Variants in PKHD1 observed in about 807,000 individuals in gnomAD.
PKHD1 encodes the protein fibrocystin.
PKHD1 carries 291 observed loss-of-function variants against 412.0 expected under a neutral mutation model. The observed-to-expected ratio is 0.71, with a 90% CI of 0.64 to 0.78. The LOEUF is 0.78. Among genes scored for constraint, PKHD1 ranks in the 30% least tolerant of loss-of-function variants. The probability of loss-of-function intolerance (pLI) is 0.00; values close to 1 mark genes in which losing one functional copy is unlikely to be tolerated. For missense variants in PKHD1, 4,825 were observed against 4,950.7 expected, an observed-to-expected ratio of 0.97 and a Z score of 0.76; for synonymous variants, 1,777 against 1,821.5, an observed-to-expected ratio of 0.98 and a Z score of 0.62.
intron 60 of PKHD1, among the ~76,000 whole-genome samples, chr6:51,735,816 C>T (rs187562353): frequency 3.4e-4 from 51 of 152,040 alleles, no homozygotes; most frequent in African/African-American, 1.2e-3. Context: ...TGCCTGTAGT[C>T]ACAGCTACTT....
At chr6:51,782,678 G>A (rs1374628436) in intron 53 of PKHD1, among the ~76,000 whole-genome samples, 2 of 152,128 alleles carry the variant, frequency 1.3e-5, no homozygotes, top group Non-Finnish European at 2.9e-5. Context: ...CATTGCATAT[G>A]TGGGTATTTG....
chr6:52,049,566 C>T (rs896734447), intron 22 of PKHD1, among the ~76,000 whole-genome samples: 6 of 152,120 alleles, frequency 3.9e-5, no homozygotes, highest in African/African-American at 7.2e-5. Flanking sequence ...ATTAAAAGAA[C>T]AAATTAGAGT....
At chr6:52,065,897 T>A (rs1809617745) in intron 12 of PKHD1, 79 bp downstream of exon 12, 2 of 791,494 alleles carry the variant, frequency 2.5e-6, no homozygotes, top group Non-Finnish European at 4.5e-6. Flanking sequence ...TCCTCCTGCA[T>A]CCCTCATGCC....
intron 60 of PKHD1, among the ~76,000 whole-genome samples, chr6:51,711,514 G>C (rs1387922476): frequency 1.3e-5 from 2 of 152,196 alleles, no homozygotes; most frequent in Non-Finnish European, 2.9e-5. Flanking sequence ...CGATGGACCT[G>C]ACTTCTTCAT....
chr6:51,810,829 C>T (rs962741433), intron 52 of PKHD1, among the ~76,000 whole-genome samples: 1 of 152,142 alleles, frequency 6.6e-6, no homozygotes, highest in Admixed American at 6.6e-5. Flanking sequence ...TATGGAATAT[C>T]GTGCCTCATT....
intron 54 of PKHD1, 126 bp downstream of exon 54, chr6:51,775,682 T>C (rs970053390): frequency 4.8e-6 from 3 of 621,402 alleles, no homozygotes; most frequent in African/African-American, 3.7e-5. Context: ...ATAATAAATA[T>C]AAATTGCCTA....
chr6:52,049,430 T>C (rs567573235), intron 22 of PKHD1, among the ~76,000 whole-genome samples: 17 of 152,230 alleles, frequency 1.1e-4, no homozygotes, highest in Admixed American at 3.3e-4. Context: ...ACTGTATATT[T>C]AGACATATAT....
chr6:51,771,143 G>T (rs999681329), intron 55 of PKHD1, among the ~76,000 whole-genome samples: 1 of 151,612 alleles, frequency 6.6e-6, no homozygotes, highest in Non-Finnish European at 1.5e-5. Flanking sequence ...ATAAATGTAT[G>T]TATATTAATA....
At position 52,058,451 on chromosome 6, in the gene PKHD1, C is replaced by A. The variant is rs758984026; in HGVS notation, c.1384G>T (p.Ala462Ser). 6.2e-7 allele frequency: 1 copy of A among 1,614,192 alleles called. No individual in the cohort carries two copies. The highest frequency in any genetic ancestry group is 8.5e-7 in the Non-Finnish European group (1 of 1,180,028). ...CCAATCCTCATCCCCCTGCTTGGGG[C>A]TATCCCATGATGCTCTGCTTCCAGG... ...YYLEAEHHGIAPSRGMRIGVQ... is the reference protein window; with the variant it reads ...YYLEAEHHGISPSRGMRIGVQ... Residue 462 changes from alanine to serine, a missense_variant, in exon 16 of 67, where the codon GCC (alanine) becomes TCC (serine). Ala to Ser is a moderately conservative substitution (Grantham distance 99). Transcript: ENST00000371117.
rs545921678 is a variant in PKHD1, at chr6:51,627,199, C to T, written c.11666-83G>A. ...CATTTAGGTGTTTCCCTTGTATGTA[C>T]CCTTGTCCCAAAATTATCATACACA... On this transcript the variant is annotated intron_variant, in intron 65 of 66. Transcript: ENST00000371117. The T allele has an allele frequency of 6.4e-5, 78 of 1,225,250 alleles. No individual in the cohort carries two copies. The African/African-American group carries it at 1.0e-3, about 16-fold the overall frequency. The allele number at this position is 1,225,250 out of a possible 1,614,324, so 75.9% of individuals were successfully genotyped here. A position where few individuals can be genotyped will look rare whatever the true frequency, so the allele number is the denominator to read the frequency against.
intron 50 of PKHD1, among the ~76,000 whole-genome samples, chr6:51,839,054 C>G (rs1769723487): frequency 6.6e-6 from 1 of 152,144 alleles, no homozygotes; most frequent in African/African-American, 2.4e-5. Flanking sequence ...CTTTTTACAG[C>G]TGTATCTAAT....
chr6:51,769,581 T>C (rs191646280), intron 55 of PKHD1, among the ~76,000 whole-genome samples: 2 of 151,676 alleles, frequency 1.3e-5, no homozygotes, highest in Non-Finnish European at 3.0e-5. Context: ...TTTAAAAATT[T>C]AATCTTACTA....
At chr6:51,650,486 C>T (rs922862587) in intron 61 of PKHD1, among the ~76,000 whole-genome samples, 2 of 151,966 alleles carry the variant, frequency 1.3e-5, no homozygotes, top group African/African-American at 4.8e-5. Flanking sequence ...TTTGCTTTCT[C>T]CCATTAAATG....
chr6:51,964,236 A>T (rs1206856102), intron 35 of PKHD1, among the ~76,000 whole-genome samples: 1 of 152,248 alleles, frequency 6.6e-6, no homozygotes, highest in East Asian at 1.9e-4. Flanking sequence ...GTCATTGATC[A>T]GCAAGTTGGA....
chr6:51,885,938 G>A lies in PKHD1; in HGVS notation c.7144C>T (p.Pro2382Ser). The A allele has an allele frequency of 6.2e-7, 1 of 1,613,082 alleles. No individual in the cohort carries two copies. Among genetic ancestry groups the A allele is most frequent in the Non-Finnish European group, 8.5e-7 (1 of 1,179,150 alleles). The change falls in exon 45 of 67, where the codon CCT (proline) becomes TCT (serine). Residue 2382 changes from proline (P) to serine (S), a missense_variant. Coordinates refer to ENST00000371117, the MANE Select transcript of PKHD1 (RefSeq NM_138694.4). ...GLFVYPKFQP[P>S]WDNVTGTTLF... ...GTGGTGCCAGTGACATTATCCCAAGGTGGCTGAAATTTAGGGTATACAAAG... is the reference window on the plus strand; with the variant it reads ...GTGGTGCCAGTGACATTATCCCAAGATGGCTGAAATTTAGGGTATACAAAG...
chr6:51,726,053 C>T (rs1030555452), intron 60 of PKHD1, among the ~76,000 whole-genome samples: 3 of 152,222 alleles, frequency 2.0e-5, no homozygotes, highest in Non-Finnish European at 2.9e-5. Context: ...AAATTAATTG[C>T]TGCAAAATGC....
chr6:52,017,240 T>C lies in PKHD1; in HGVS notation c.5600+170A>G, dbSNP rs533318309. 5.9e-5 allele frequency among the ~76,000 whole-genome samples: 9 copies of C among 152,344 alleles called. No homozygotes were observed. The South Asian group carries it at 1.9e-3, about 32-fold the overall frequency. On this transcript the variant is annotated intron_variant, in intron 34 of 66. Transcript: ENST00000371117. ...ACAGTTGAAAAAGACAGGAGATGCT[T>C]TGATATGCAGGCTGGCTGGAATCCA...
intron 45 of PKHD1, among the ~76,000 whole-genome samples, chr6:51,884,185 A>G (rs913140524): frequency 6.6e-6 from 1 of 152,170 alleles, no homozygotes; most frequent in Non-Finnish European, 1.5e-5. Flanking sequence ...TTTGAAGTTA[A>G]TTTTTGTAAG....
At chr6:51,778,731 C>T (rs1332163766) in intron 53 of PKHD1, among the ~76,000 whole-genome samples, 1 of 152,124 alleles carries the variant, frequency 6.6e-6, no homozygotes, top group African/African-American at 2.4e-5. Flanking sequence ...GAAAAAAAGG[C>T]ATTTCATTAT....
Sources: allele counts gnomAD v4.1 joint callset (sites outside exome capture counted in the v4.1 genomes callset), GRCh38; gene constraint gnomAD v4.1.1; transcripts MANE v1.5; gene names NCBI Gene and HGNC (gene_info 2026-07-23, HGNC 2026-07-21).